The following ADGRB3 variants were observed in gnomAD, a reference collection of about 807,000 sequenced individuals.
ADGRB3 encodes the protein brain-specific angiogenesis inhibitor 3.
Under a neutral mutation model 193.4 loss-of-function variants are expected in ADGRB3, and 37 were observed. The observed-to-expected ratio is 0.19, with a 90% CI of 0.15 to 0.25. ADGRB3 has a LOEUF of 0.25. Ranked by LOEUF, ADGRB3 falls within the 10% of genes least tolerant of loss-of-function variation. The pLI is 1.00. For synonymous variants in ADGRB3, 690 were observed against 644.2 expected, an observed-to-expected ratio of 1.07 and a Z score of -1.08; for missense variants, 1,637 against 1,852.9, an observed-to-expected ratio of 0.88 and a Z score of 2.14.
At chr6:68,858,592 C>CAAAAAAAA (rs11458724) in intron 3 of ADGRB3, among the ~76,000 whole-genome samples, 1 of 93,460 alleles carries the variant, frequency 1.1e-5, no homozygotes, top group Non-Finnish European at 2.0e-5. Flanking sequence ...GACCCTGACT[C>CAAAAAAAA]AAAAAAAAAA....
At chr6:68,855,974 G>A (rs1764976497) in intron 3 of ADGRB3, among the ~76,000 whole-genome samples, 1 of 152,146 alleles carries the variant, frequency 6.6e-6, no homozygotes, top group African/African-American at 2.4e-5. Context: ...GAATCATGGG[G>A]GTGGGTCTTT....
At chr6:68,766,077 C>T (rs1308612193) in intron 3 of ADGRB3, among the ~76,000 whole-genome samples, 2 of 151,696 alleles carry the variant, frequency 1.3e-5, no homozygotes, top group African/African-American at 4.8e-5. Context: ...TATGGTCTTG[C>T]CAGATTTCTT....
At chr6:69,000,176 T>A (rs1769525973) in intron 11 of ADGRB3, among the ~76,000 whole-genome samples, 1 of 152,084 alleles carries the variant, frequency 6.6e-6, no homozygotes, top group Non-Finnish European at 1.5e-5. Flanking sequence ...TCTACCTTAT[T>A]TCTTAGTTTC....
chr6:69,228,512 G>C (rs1025956774), intron 17 of ADGRB3, among the ~76,000 whole-genome samples: 2 of 152,112 alleles, frequency 1.3e-5, no homozygotes, highest in African/African-American at 4.8e-5. Context: ...GAGAATTCCT[G>C]GAACTAGCTA....
intron 17 of ADGRB3, among the ~76,000 whole-genome samples, chr6:69,193,337 A>C (rs1021948260): frequency 2.6e-5 from 4 of 152,142 alleles, no homozygotes; most frequent in African/African-American, 9.7e-5. Flanking sequence ...ATGATAACTA[A>C]AACAAAAACT....
chr6:68,796,746 G>A (rs916070214), intron 3 of ADGRB3, among the ~76,000 whole-genome samples: 2 of 152,078 alleles, frequency 1.3e-5, no homozygotes, highest in Non-Finnish European at 1.5e-5. Context: ...ATTCTTTCTG[G>A]AAATGAAATA....
At chr6:69,343,194 T>A (rs181076369) in intron 26 of ADGRB3, among the ~76,000 whole-genome samples, 2,900 of 151,870 alleles carry the variant, frequency 0.019, 40 homozygotes, top group Non-Finnish European at 0.03. Context: ...TCTTTTTTTT[T>A]TTATTATACT....
intron 3 of ADGRB3, among the ~76,000 whole-genome samples, chr6:68,876,038 CATTT>C (rs1765585899): frequency 1.3e-5 from 2 of 152,024 alleles, no homozygotes; most frequent in South Asian, 4.2e-4. Context: ...TATTATAAAA[CATTT>C]ATATTCATAT....
intron 3 of ADGRB3, among the ~76,000 whole-genome samples, chr6:68,856,712 C>G (rs555887060): frequency 4.6e-5 from 7 of 152,312 alleles, no homozygotes; most frequent in African/African-American, 1.4e-4. Flanking sequence ...AATAAAATCC[C>G]ATTTTCTGGG....
chr6:68,850,329 C>T (rs1768372210), intron 3 of ADGRB3, among the ~76,000 whole-genome samples: 1 of 151,838 alleles, frequency 6.6e-6, no homozygotes, highest in Non-Finnish European at 1.5e-5. Flanking sequence ...TTTGATAGCA[C>T]CTATAGCCTT....
chr6:68,741,223 A>G (rs1765974148), intron 3 of ADGRB3, among the ~76,000 whole-genome samples: 1 of 152,190 alleles, frequency 6.6e-6, no homozygotes, highest in Admixed American at 6.5e-5. Flanking sequence ...TTCTCATGAA[A>G]CTACCACAAC....
At chr6:68,933,904 G>C (rs1767416817) in intron 4 of ADGRB3, among the ~76,000 whole-genome samples, 1 of 152,046 alleles carries the variant, frequency 6.6e-6, no homozygotes. Context: ...CTAGACTAAA[G>C]AGCTTTTAGT....
intron 15 of ADGRB3, among the ~76,000 whole-genome samples, 189 bp downstream of exon 15, chr6:69,049,535 ATT>A (rs1771333587): frequency 6.6e-6 from 1 of 152,166 alleles, no homozygotes; most frequent in African/African-American, 2.4e-5. Context: ...AGAAAAGATA[ATT>A]TTGGTGTCTG....
At chr6:68,992,994 T>C (rs1769280258) in intron 10 of ADGRB3, among the ~76,000 whole-genome samples, 1 of 152,164 alleles carries the variant, frequency 6.6e-6, no homozygotes. Context: ...TATAATGGAT[T>C]CCTGCTATTT....
At position 68,936,551 on chromosome 6, in the gene ADGRB3, A is replaced by C. The variant is rs1165831293; in HGVS notation, c.901A>C (p.Ser301Arg). ...ESGVEEWSQW[S>R]TCSVTCGQGS... ...TGGTGTGGAAGAGTGGTCCCAGTGGAGCACATGTTCGGTTACTTGTGGTCA... is the reference window on the plus strand; with the variant it reads ...TGGTGTGGAAGAGTGGTCCCAGTGGCGCACATGTTCGGTTACTTGTGGTCA... Residue 301 changes from serine (S) to arginine (R), a missense_variant, in exon 5 of 32, where the codon AGC (serine) becomes CGC (arginine). By Grantham distance (110) the Ser-to-Arg change is moderately radical. Coordinates refer to ENST00000370598, the MANE Select transcript of ADGRB3 (RefSeq NM_001704.3). 6.2e-7 allele frequency: 1 copy of C among 1,613,912 alleles called. No homozygotes were observed. Among genetic ancestry groups the C allele is most frequent in the Non-Finnish European group, 8.5e-7 (1 of 1,179,988 alleles).
At chr6:68,663,407 T>C (rs1382179394) in intron 3 of ADGRB3, among the ~76,000 whole-genome samples, 3 of 151,604 alleles carry the variant, frequency 2.0e-5, no homozygotes, top group African/African-American at 7.2e-5. Flanking sequence ...TTGAAAAATA[T>C]TTATATTTTA....
At chr6:69,341,233 C>G (rs1007327997) in intron 26 of ADGRB3, among the ~76,000 whole-genome samples, 1 of 152,222 alleles carries the variant, frequency 6.6e-6, no homozygotes, top group Admixed American at 6.5e-5. Context: ...CTCCCACCAA[C>G]AGTGTAAAAG....
At chr6:68,858,381 G>A (rs1234890765) in intron 3 of ADGRB3, among the ~76,000 whole-genome samples, 1 of 151,626 alleles carries the variant, frequency 6.6e-6, no homozygotes, top group Admixed American at 6.6e-5. Context: ...GTGTGTGCCT[G>A]TAATCCCAGC....
chr6:69,178,658 C>T (rs2150350513), intron 17 of ADGRB3, among the ~76,000 whole-genome samples: 1 of 152,260 alleles, frequency 6.6e-6, no homozygotes, highest in East Asian at 1.9e-4. Flanking sequence ...GTAATAAATT[C>T]CCTTAGCACT....
Sources: gnomAD v4.1 joint callset for allele counts (sites outside exome capture counted in the v4.1 genomes callset) on GRCh38, gnomAD v4.1.1 for gene constraint, MANE v1.5 for transcripts, NCBI Gene and HGNC (gene_info 2026-07-23, HGNC 2026-07-21) for gene names.